The following ANKRD54 variants were observed in gnomAD, a reference collection of about 807,000 sequenced individuals.
The protein encoded by ANKRD54 is ankyrin repeat domain 54.
In ANKRD54, 26 loss-of-function variants were observed where a neutral mutation model predicts 36.2. The observed-to-expected ratio is 0.72, with a 90% CI of 0.53 to 1.00. ANKRD54 has a LOEUF of 1.00. Among genes scored for constraint, ANKRD54 ranks in the 50% least tolerant of loss-of-function variants. The probability of loss-of-function intolerance (pLI) is 0.00; values close to 1 mark genes in which losing one functional copy is unlikely to be tolerated. For missense variants in ANKRD54, 384 were observed against 424.3 expected (o/e 0.91, Z 0.83); for synonymous variants, 209 against 188.4 (o/e 1.11, Z -0.89).
At chr22:37,847,365 T>G (rs894403481), upstream of ANKRD54, among the ~76,000 whole-genome samples, 32 of 152,056 alleles carry the variant, frequency 2.1e-4, no homozygotes, top group African/African-American at 7.0e-4. Context: ...TTTCACTATG[T>G]TGGCCAGGCT....
chr22:37,844,253 G>A lies in ANKRD54; in HGVS notation c.-15C>T, dbSNP rs775306116. 9.7e-6 allele frequency: 15 copies of A among 1,545,390 alleles called. No homozygotes were observed. Among genetic ancestry groups the A allele is most frequent in the Admixed American group, 5.6e-5 (3 of 53,278 alleles). The stretch of plus-strand genomic sequence containing the variant: ...GCGGCTGCCATGGCAACGGCTCCGC[G>A]CGGGCCTGGCCGCCTGAGCCTCGTT... On this transcript the variant is annotated 5_prime_UTR_variant, in exon 1 of 8. Transcript: ENST00000215941.
chr22:37,841,318 G>A (rs1212962665), intron 1 of ANKRD54, among the ~76,000 whole-genome samples: 1 of 151,960 alleles, frequency 6.6e-6, no homozygotes, highest in Non-Finnish European at 1.5e-5. Context: ...CTGTGCTCTG[G>A]AGTTTGAAAC....
Position 37,843,901 on chromosome 22 carries a change from C to A in ANKRD54, c.328+10G>T, listed in dbSNP as rs1924605155. ...CCGCCCCGGGCCCCCGCGCCGCTCG[C>A]GCCGCTCACCGTGCACCTCCTTGCC... On this transcript the variant is annotated intron_variant, in intron 1 of 7. Coordinates refer to ENST00000215941, the MANE Select transcript of ANKRD54 (RefSeq NM_138797.4). 2 of 1,224,038 alleles carry A rather than the reference C, an allele frequency of 1.6e-6. No homozygotes were observed. Among genetic ancestry groups the A allele is most frequent in the Non-Finnish European group, 2.0e-6 (2 of 984,526 alleles). 75.8% of individuals were successfully genotyped at this position (1,224,038 alleles called of 1,614,324 possible).
At chr22:37,838,368 C>T (rs1923799777) in intron 3 of ANKRD54, 132 bp downstream of exon 3, 1 of 842,534 alleles carries the variant, frequency 1.2e-6, no homozygotes, top group Non-Finnish European at 1.8e-6. Flanking sequence ...CAGGGCACTG[C>T]AGTGCCAAGT....
intron 1 of ANKRD54, among the ~76,000 whole-genome samples, chr22:37,842,544 C>T (rs1409924581): frequency 6.6e-6 from 1 of 152,218 alleles, no homozygotes; most frequent in East Asian, 1.9e-4. Context: ...TTATATTCTC[C>T]TTCAAAGCAG....
chr22:37,840,951 G>T (rs1390881475), intron 1 of ANKRD54, among the ~76,000 whole-genome samples: 1 of 151,936 alleles, frequency 6.6e-6, no homozygotes, highest in East Asian at 1.9e-4. Context: ...GTGTGGTGGT[G>T]TGCACGTGTA....
At chr22:37,832,510 G>C (rs1923008238) in intron 7 of ANKRD54, 127 bp downstream of exon 7, 1 of 785,112 alleles carries the variant, frequency 1.3e-6, no homozygotes. Flanking sequence ...TTACAGGTGT[G>C]AGCCCCTGCG....
At position 37,838,566 on chromosome 22, in the gene ANKRD54, A is replaced by G. The variant is rs538017676; in HGVS notation, c.409T>C (p.Cys137Arg). Residue 137 changes from cysteine (C) to arginine (R), a missense_variant, in exon 3 of 8, where the codon TGT (cysteine) becomes CGT (arginine). Physicochemically the swap from Cys to Arg is radical, Grantham distance 180 (BLOSUM62 -3). Transcript: ENST00000215941. Reference protein sequence around the residue: ...QQLLEDGADPCAADDKGRTAL... With the variant: ...QQLLEDGADPRAADDKGRTAL... ...GTGCGGCCCTTGTCATCAGCTGCAC[A>G]GGGATCCGCGCCATCTTCCAGCAGC... The G allele has an allele frequency of 1.2e-6, 2 of 1,611,888 alleles. No homozygotes were observed. Among genetic ancestry groups the G allele is most frequent in the African/African-American group, 1.3e-5 (1 of 74,992 alleles).
chr22:37,840,139 C>A, intron 2 of ANKRD54, 48 bp downstream of exon 2: 1 of 1,612,152 alleles, frequency 6.2e-7, no homozygotes. Flanking sequence ...TTTTCCTTCC[C>A]CAACCAGCCC....
At chr22:37,835,756 T>C (rs990072462) in intron 3 of ANKRD54, among the ~76,000 whole-genome samples, 1 of 152,028 alleles carries the variant, frequency 6.6e-6, no homozygotes, top group African/African-American at 2.4e-5. Flanking sequence ...CAGTGGGCAG[T>C]GATCAGGCCA....
In ANKRD54 at chr22:37,833,669, T is replaced by G; in HGVS notation, c.547+15A>C. ...GCTGCAAATGAGTTGTCTTAGTGAC[T>G]TCTGACATGCTTACCCAGGTGCAGT... On this transcript the variant is annotated intron_variant, in intron 4 of 7. Coordinates refer to ENST00000215941, the MANE Select transcript of ANKRD54 (RefSeq NM_138797.4). 1 of 1,613,874 alleles carries G rather than the reference T, an allele frequency of 6.2e-7. No homozygotes were observed. Among genetic ancestry groups the G allele is most frequent in the Non-Finnish European group, 8.5e-7 (1 of 1,179,780 alleles).
chr22:37,840,731 C>CA (rs1183039481), intron 1 of ANKRD54, among the ~76,000 whole-genome samples: 2 of 150,968 alleles, frequency 1.3e-5, no homozygotes, highest in Admixed American at 6.6e-5. Context: ...ACTAAAAATA[C>CA]AAAAAAATTA....
intron 3 of ANKRD54, chr22:37,834,697 C>CAAAAAAAAAA (rs67811223): frequency 6.9e-5 from 3 of 43,380 alleles, no homozygotes; most frequent in Non-Finnish European, 1.1e-4. Context: ...GACCCTGTCT[C>CAAAAAAAAAA]AAAAAAAAAA....
upstream of ANKRD54, chr22:37,844,572 C>T (rs956290788): frequency 1.6e-5 from 5 of 304,918 alleles, no homozygotes; most frequent in Admixed American, 5.1e-5. Context: ...GCTACCGGAG[C>T]CAGTAAAACA....
At position 37,841,856 on chromosome 22, in the gene ANKRD54, T is replaced by A. The variant is rs1168435066; in HGVS notation, c.329-1622A>T. On this transcript the variant is annotated intron_variant, in intron 1 of 7. Transcript: ENST00000215941. ...GAGCAAGACTCTGTCTCAAAATAAATAAATAAATAAATAAATAAATAAATA... is the reference window on the plus strand; with the variant it reads ...GAGCAAGACTCTGTCTCAAAATAAAAAAATAAATAAATAAATAAATAAATA... Among the ~76,000 whole-genome samples, 20 of 51,124 alleles carry A rather than the reference T, an allele frequency of 3.9e-4. No individual in the cohort carries two copies. The African/African-American group carries it at 4.3e-3, about 11-fold the overall frequency. The allele number at this position is 51,124 out of a possible 152,430, so 33.5% of individuals were successfully genotyped here.
At position 37,837,556 on chromosome 22, in the gene ANKRD54, G is replaced by C. The variant is rs116561031; in HGVS notation, c.475+944C>G. 7.7e-3 allele frequency among the ~76,000 whole-genome samples: 1,172 copies of C among 152,332 alleles called. 21 individuals carry two copies. The highest frequency in any genetic ancestry group is 0.027 in the African/African-American group (1,125 of 41,578). On this transcript the variant is annotated intron_variant, in intron 3 of 7. Coordinates refer to ENST00000215941, the MANE Select transcript of ANKRD54 (RefSeq NM_138797.4). ...TGGACTCAGAACCCGAGGATATGGA[G>C]GGCCAACTTCAAAGGACTTGAGCAT...
intron 1 of ANKRD54, 58 bp from the exon 2 acceptor site, chr22:37,840,292 C>T (rs1231068835): frequency 1.3e-6 from 2 of 1,591,604 alleles, no homozygotes; most frequent in Non-Finnish European, 8.6e-7. Flanking sequence ...GGTGCGGTGG[C>T]TCATGCCTAT....
intron 4 of ANKRD54, 53 bp from the exon 5 acceptor site, chr22:37,833,259 T>C (rs1376138188): frequency 4.1e-5 from 65 of 1,599,960 alleles, no homozygotes; most frequent in Non-Finnish European, 5.3e-5. Flanking sequence ...AGCCTGGCTC[T>C]GCGTGGCCAC....
chr22:37,849,290 C>T (rs746129364), upstream of ANKRD54: 1 of 877,012 alleles, frequency 1.1e-6, no homozygotes. Context: ...CGGAACGCGG[C>T]TCCTCTTCCT....
Sources: allele counts gnomAD v4.1 joint callset (sites outside exome capture counted in the v4.1 genomes callset), GRCh38; gene constraint gnomAD v4.1.1; transcripts MANE v1.5; gene names NCBI Gene and HGNC (gene_info 2026-07-23, HGNC 2026-07-21).